The following ME2 variants were observed in gnomAD, a reference collection of about 807,000 sequenced individuals.
The protein encoded by ME2 is malic enzyme 2.
Under a neutral mutation model 73.7 loss-of-function variants are expected in ME2, and 60 were observed. The observed-to-expected ratio is 0.81, with a 90% CI of 0.66 to 1.01. The LOEUF is 1.01. ME2 is among the 50% of genes least tolerant of loss of function. The probability of loss-of-function intolerance (pLI) is 0.00; values close to 1 mark genes in which losing one functional copy is unlikely to be tolerated. For missense variants in ME2, 594 were observed against 705.5 expected (o/e 0.84, Z 1.79); for synonymous variants, 199 against 236.9 (o/e 0.84, Z 1.47).
At chr18:50,941,736 G>C (rs569520622) in intron 15 of ME2, among the ~76,000 whole-genome samples, 2 of 150,418 alleles carry the variant, frequency 1.3e-5, no homozygotes, top group African/African-American at 2.4e-5. Context: ...TTTTTAAGGT[G>C]TTTTAAGGCT....
At chr18:50,900,674 AT>A in intron 2 of ME2, among the ~76,000 whole-genome samples, 1 of 152,140 alleles carries the variant, frequency 6.6e-6, no homozygotes, top group South Asian at 2.1e-4. Context: ...AATTTTAATA[AT>A]TACCACGTGT....
chr18:50,944,002 G>A (rs1430266941), intron 15 of ME2, among the ~76,000 whole-genome samples: 1 of 152,094 alleles, frequency 6.6e-6, no homozygotes, highest in African/African-American at 2.4e-5. Flanking sequence ...GATGACTTGA[G>A]GCTGTAAGTT....
intron 1 of ME2, among the ~76,000 whole-genome samples, chr18:50,895,378 A>G (rs990986577): frequency 2.2e-4 from 34 of 152,344 alleles, no homozygotes; most frequent in Admixed American, 1.4e-3. Context: ...TTCTAGGTCT[A>G]GATTAAGAAT....
At chr18:50,944,437 C>A (rs1241363291) in intron 15 of ME2, among the ~76,000 whole-genome samples, 1 of 152,114 alleles carries the variant, frequency 6.6e-6, no homozygotes, top group Non-Finnish European at 1.5e-5. Flanking sequence ...GGAGGCAGAG[C>A]TTTGTGTCTG....
At chr18:50,880,605 C>G (rs994288963) in intron 1 of ME2, among the ~76,000 whole-genome samples, 5 of 152,088 alleles carry the variant, frequency 3.3e-5, no homozygotes, top group African/African-American at 1.2e-4. Flanking sequence ...TTAATAGAGA[C>G]GGGGGCTTCG....
At chr18:50,931,998 A>G (rs1917701781) in intron 12 of ME2, among the ~76,000 whole-genome samples, 1 of 152,150 alleles carries the variant, frequency 6.6e-6, no homozygotes, top group Non-Finnish European at 1.5e-5. Flanking sequence ...TTTCTTAAAA[A>G]TAAGTGTCTG....
intron 12 of ME2, among the ~76,000 whole-genome samples, chr18:50,927,120 A>G (rs1336911327): frequency 6.6e-6 from 1 of 152,206 alleles, no homozygotes; most frequent in Non-Finnish European, 1.5e-5. Flanking sequence ...ATCTGCCTAT[A>G]AATCACTTGA....
chr18:50,880,509 G>T (rs1042433158), intron 1 of ME2, among the ~76,000 whole-genome samples: 1 of 152,166 alleles, frequency 6.6e-6, no homozygotes, highest in Non-Finnish European at 1.5e-5. Flanking sequence ...CATATAGGCC[G>T]TTCGCGGTGG....
intron 3 of ME2, among the ~76,000 whole-genome samples, chr18:50,912,372 T>C (rs994868465): frequency 1.3e-5 from 2 of 152,230 alleles, no homozygotes; most frequent in Admixed American, 6.5e-5. Flanking sequence ...TAACTTCTTA[T>C]ATCCCTGGAG....
chr18:50,926,432 T>C (rs1917555135), intron 12 of ME2, among the ~76,000 whole-genome samples: 1 of 152,224 alleles, frequency 6.6e-6, no homozygotes, highest in Admixed American at 6.5e-5. Context: ...TTTGATGATA[T>C]AGCATTGTCT....
Position 50,950,632 on chromosome 18 carries a change from AAGTCT to A in ME2, c.*3450_*3454del, listed in dbSNP as rs1226638853. 2.6e-5 allele frequency: 4 copies of A among 151,452 alleles called. No individual in the cohort carries two copies. Among genetic ancestry groups the A allele is most frequent in the Non-Finnish European group, 5.9e-5 (4 of 67,908 alleles). The allele number at this position is 151,452 out of a possible 1,614,324, so 9.4% of individuals were successfully genotyped here. ...CCTGAGTAGCTGGGACTATAGGCGC[AAGTCT>A]ATGCAACCACCCAGCTAATTTTTGT... On this transcript the variant is annotated 3_prime_UTR_variant, in exon 16 of 16. Coordinates refer to ENST00000321341, the MANE Select transcript of ME2 (RefSeq NM_002396.5).
chr18:50,917,334 T>C lies in ME2; in HGVS notation c.469-13T>C. Reference sequence around the variant, plus strand: ...TTTTGACAACTTTTAATTTGCATTTTTTTGTGATTAAGGCTGTTGTAGTGA... The same window carrying C: ...TTTTGACAACTTTTAATTTGCATTTCTTTGTGATTAAGGCTGTTGTAGTGA... On this transcript the variant is annotated splice_polypyrimidine_tract_variant and intron_variant, in intron 5 of 15. Coordinates refer to ENST00000321341, the MANE Select transcript of ME2 (RefSeq NM_002396.5). The C allele has an allele frequency of 6.3e-7, 1 of 1,593,590 alleles. No homozygotes were observed. Among genetic ancestry groups the C allele is most frequent in the Non-Finnish European group, 8.6e-7 (1 of 1,168,268 alleles).
chr18:50,912,277 G>A (rs1917174628), intron 3 of ME2, among the ~76,000 whole-genome samples: 1 of 152,090 alleles, frequency 6.6e-6, no homozygotes, highest in Admixed American at 6.5e-5. Context: ...ATTGACAATT[G>A]CCTTTTTTGT....
chr18:50,908,069 G>T lies in ME2; in HGVS notation c.115G>T (p.Ala39Ser), dbSNP rs778977072. ...MLNPRTNKGM[A>S]FTLQERQMLG... ...TTTTATTTCTCCTCTTTAGGGAATG[G>T]CATTTACTTTACAAGAACGACAAAT... Residue 39 changes from alanine (A) to serine (S), a missense_variant, in exon 3 of 16, where the codon GCA (alanine) becomes TCA (serine). Ala to Ser is a moderately conservative substitution (Grantham distance 99). Coordinates refer to ENST00000321341, the MANE Select transcript of ME2 (RefSeq NM_002396.5). The T allele has an allele frequency of 1.3e-6, 2 of 1,568,932 alleles. No homozygotes were observed. Among genetic ancestry groups the T allele is most frequent in the African/African-American group, 1.4e-5 (1 of 72,832 alleles).
At chr18:50,913,951 A>G (rs1244544383) in intron 4 of ME2, among the ~76,000 whole-genome samples, 1 of 150,302 alleles carries the variant, frequency 6.7e-6, no homozygotes, top group Non-Finnish European at 1.5e-5. Context: ...TATTTTTCTC[A>G]ATCCTTATAA....
chr18:50,947,422 G>C lies in ME2; in HGVS notation c.*238G>C. 2.2e-6 allele frequency: 1 copy of C among 456,276 alleles called. No individual in the cohort carries two copies. The highest frequency in any genetic ancestry group is 3.9e-6 in the Non-Finnish European group (1 of 257,056). 28.3% of individuals were successfully genotyped at this position (456,276 alleles called of 1,614,324 possible). ...ATGCTTTAATTCTAACATACAGCCC[G>C]TACCACATCCAGGAGATGTAAAAAG... On this transcript the variant is annotated 3_prime_UTR_variant, in exon 16 of 16. Transcript: ENST00000321341.
intron 12 of ME2, among the ~76,000 whole-genome samples, chr18:50,931,386 C>G (rs1033678839): frequency 6.6e-6 from 1 of 152,186 alleles, no homozygotes; most frequent in African/African-American, 2.4e-5. Context: ...TAAGATTTAA[C>G]TACTACAGTT....
In ME2 at chr18:50,932,352, T is replaced by G. The variant is rs781211821; in HGVS notation, c.1409T>G (p.Ile470Ser). The G allele has an allele frequency of 6.2e-7, 1 of 1,610,904 alleles. No homozygotes were observed. Among genetic ancestry groups the G allele is most frequent in the Non-Finnish European group, 8.5e-7 (1 of 1,177,778 alleles). Reference protein sequence around the residue: ...FTPGQGNNVYIFPGVALAVIL... With the variant: ...FTPGQGNNVYSFPGVALAVIL... Reference sequence around the variant, plus strand: ...CCAGGTCAAGGAAACAATGTTTATATTTTTCCAGGTAAATGCCACCATTAT... The same window carrying G: ...CCAGGTCAAGGAAACAATGTTTATAGTTTTCCAGGTAAATGCCACCATTAT... The change falls in exon 13 of 16, where the codon ATT becomes AGT. Residue 470 changes from isoleucine to serine, a missense_variant. Physicochemically the swap from Ile to Ser is moderately radical, Grantham distance 142. Coordinates refer to ENST00000321341, the MANE Select transcript of ME2 (RefSeq NM_002396.5).
chr18:50,880,469 A>G (rs989161862), intron 1 of ME2, among the ~76,000 whole-genome samples: 7 of 152,240 alleles, frequency 4.6e-5, no homozygotes, highest in African/African-American at 1.4e-4. Context: ...TGTAAATTAG[A>G]TGAGAGAAAC....
Sources: allele counts gnomAD v4.1 joint callset (sites outside exome capture counted in the v4.1 genomes callset), GRCh38; gene constraint gnomAD v4.1.1; transcripts MANE v1.5; gene names NCBI Gene and HGNC (gene_info 2026-07-23, HGNC 2026-07-21).